The following COL6A5 variants were observed in gnomAD, a reference collection of about 807,000 sequenced individuals.
COL6A5 encodes the protein collagen type VI alpha 5 chain, also known as collagen alpha-5(VI) chain.
COL6A5 carries 48 observed loss-of-function variants against 65.6 expected under a neutral mutation model. The ratio of observed to expected loss-of-function variants is 0.73; its 90% confidence interval spans 0.58 to 0.93. The LOEUF (loss-of-function observed/expected upper bound fraction) is 0.93. Among genes scored for constraint, COL6A5 ranks in the 40% least tolerant of loss-of-function variants. The pLI is 0.00. For synonymous variants in COL6A5, 291 were observed against 322.8 expected, an observed-to-expected ratio of 0.90 and a Z score of 1.05; for missense variants, 914 against 928.3, an observed-to-expected ratio of 0.98 and a Z score of 0.20.
intron 6 of COL6A5, 47 bp from the exon 7 acceptor site, chr3:130,391,132 G>C: frequency 7.3e-7 from 1 of 1,364,672 alleles, no homozygotes; most frequent in Non-Finnish European, 1.0e-6. Flanking sequence ...ACCCTGCGTA[G>C]AATGCACTGC....
At chr3:130,357,430 GAGAA>G (rs1343338167) in intron 1 of COL6A5, among the ~76,000 whole-genome samples, 1 of 152,166 alleles carries the variant, frequency 6.6e-6, no homozygotes, top group East Asian at 1.9e-4. Flanking sequence ...TTAGAACAAA[GAGAA>G]AGAAGAAAAG....
intron 29 of COL6A5, among the ~76,000 whole-genome samples, chr3:130,424,429 ATC>A (rs777947913): frequency 2.6e-5 from 4 of 152,070 alleles, no homozygotes; most frequent in Non-Finnish European, 4.4e-5. Flanking sequence ...CGAAATAGCC[ATC>A]TCTCTATTTT....
rs1649544724 is a variant in COL6A5, at chr3:130,409,241, C to T, written c.4480-85C>T. 4.2e-5 allele frequency: 40 copies of T among 950,300 alleles called. No homozygotes were observed. In the South Asian group the frequency reaches 6.9e-4, roughly 16 times the overall value. The allele number at this position is 950,300 out of a possible 1,614,324, so 58.9% of individuals were successfully genotyped here. On this transcript the variant is annotated intron_variant and NMD_transcript_variant, in intron 17 of 41. Transcript: ENST00000312481. ...GACAAAGAGCATTTTATCTGATTAA[C>T]CCCCCTACATACAAAACTTCACACT...
intron 27 of COL6A5, among the ~76,000 whole-genome samples, chr3:130,422,049 T>C (rs1203801487): frequency 1.3e-5 from 2 of 152,040 alleles, no homozygotes; most frequent in African/African-American, 4.8e-5. Flanking sequence ...ATACAAAATA[T>C]GGGTTAAAAA....
At chr3:130,444,928 G>A (rs1157757940) in intron 4 of COL6A5, among the ~76,000 whole-genome samples, 6 of 152,174 alleles carry the variant, frequency 3.9e-5, no homozygotes, top group African/African-American at 9.6e-5. Flanking sequence ...ATAGGAATAC[G>A]GGGTGATACA....
chr3:130,403,663 G>GT lies in COL6A5; in HGVS notation c.4281+2dup. 1 of 1,550,196 alleles carries GT rather than the reference G, an allele frequency of 6.5e-7. No individual in the cohort carries two copies. The highest frequency in any genetic ancestry group is 8.7e-7 in the Non-Finnish European group (1 of 1,146,120). ...ACACAGGGGAGAGGATGGAAACCCTGTAAGTTTTTATTACTCCCCCTCACC... is the reference window on the plus strand; with the variant it reads ...ACACAGGGGAGAGGATGGAAACCCTGTTAAGTTTTTATTACTCCCCCTCACC... On this transcript the variant is annotated splice_donor_variant and NMD_transcript_variant, in intron 13 of 41. Coordinates refer to the COL6A5 transcript ENST00000312481.
At chr3:130,368,249 A>G (rs537221366) in intron 1 of COL6A5, among the ~76,000 whole-genome samples, 3 of 152,342 alleles carry the variant, frequency 2.0e-5, no homozygotes, top group Non-Finnish European at 4.4e-5. Context: ...CTTCCCATGC[A>G]TAGATCCTTA....
chr3:130,432,787 C>T (rs1269163424), intron 1 of COL6A5, among the ~76,000 whole-genome samples: 1 of 152,072 alleles, frequency 6.6e-6, no homozygotes, highest in African/African-American at 2.4e-5. Context: ...GATCTTTGAA[C>T]CCCTATGGTG....
intron 4 of COL6A5, among the ~76,000 whole-genome samples, chr3:130,452,408 G>A (rs1397625475): frequency 6.6e-6 from 1 of 152,140 alleles, no homozygotes; most frequent in Non-Finnish European, 1.5e-5. Flanking sequence ...GAAATAAAGG[G>A]ACAGAGTACA....
At chr3:130,410,409 T>A in intron 19 of COL6A5, 62 bp from the exon 20 acceptor site, 3 of 1,207,926 alleles carry the variant, frequency 2.5e-6, no homozygotes, top group Non-Finnish European at 3.6e-6. Context: ...TTGATGCTGA[T>A]GCCTTTGTGA....
At chr3:130,479,385 G>T (rs906363231) in intron 7 of COL6A5, among the ~76,000 whole-genome samples, 1 of 148,488 alleles carries the variant, frequency 6.7e-6, no homozygotes, top group Non-Finnish European at 1.5e-5. Context: ...AGCCTAAATG[G>T]ACTAAAACAG....
At chr3:130,421,078 C>T (rs1390124605) in intron 25 of COL6A5, 75 bp from the exon 26 acceptor site, 1 of 1,356,478 alleles carries the variant, frequency 7.4e-7, no homozygotes, top group Non-Finnish European at 1.0e-6. Context: ...TCTTCTGACA[C>T]TGTAATCTCC....
intron 7 of COL6A5, 22 bp from the exon 40 acceptor site, chr3:130,471,660 T>C: frequency 6.5e-7 from 1 of 1,527,920 alleles, no homozygotes; most frequent in Non-Finnish European, 8.7e-7. Context: ...TAATTTTTTA[T>C]CTCTCTTCTC....
At chr3:130,422,761 C>T in exon 28 of COL6A5, 1 of 1,521,582 alleles carries the variant, frequency 6.6e-7, no homozygotes, top group Non-Finnish European at 8.8e-7. Flanking sequence ...GACCTGGACC[C>T]AAAGGATTTA....
upstream of COL6A5, chr3:130,429,537 G>C (rs1340857289): frequency 6.5e-7 from 1 of 1,532,742 alleles, no homozygotes; most frequent in Admixed American, 2.1e-5. Flanking sequence ...CTTGTTTCAA[G>C]AAGGTAACAA....
At chr3:130,460,684 G>A (rs1018528408) in intron 5 of COL6A5, among the ~76,000 whole-genome samples, 3 of 152,026 alleles carry the variant, frequency 2.0e-5, no homozygotes, top group African/African-American at 7.2e-5. Context: ...TGAAGATGAT[G>A]GTAGTGAAGG....
At chr3:130,382,555 A>G (rs1011525140) in intron 4 of COL6A5, among the ~76,000 whole-genome samples, 3 of 152,128 alleles carry the variant, frequency 2.0e-5, no homozygotes, top group African/African-American at 7.2e-5. Flanking sequence ...TTGGTCTCTG[A>G]GGGTAGGGCC....
intron 1 of COL6A5, among the ~76,000 whole-genome samples, chr3:130,347,977 C>G (rs1159578927): frequency 6.6e-6 from 1 of 152,174 alleles, no homozygotes; most frequent in East Asian, 1.9e-4. Context: ...CAGTTGCAAA[C>G]ATTTTTGTTG....
intron 4 of COL6A5, among the ~76,000 whole-genome samples, chr3:130,381,881 G>T (rs186518417): frequency 3.9e-5 from 6 of 152,190 alleles, no homozygotes; most frequent in Admixed American, 2.6e-4. Flanking sequence ...AATTATTATT[G>T]TCATTATAGA....
Sources: allele counts gnomAD v4.1 joint callset (sites outside exome capture counted in the v4.1 genomes callset), GRCh38; gene constraint gnomAD v4.1.1; transcripts MANE v1.5; gene names NCBI Gene and HGNC (gene_info 2026-07-23, HGNC 2026-07-21).